The following GRAMD1B variants were observed in gnomAD, a reference collection of about 807,000 sequenced individuals.
GRAMD1B encodes GRAM domain containing 1B, also known as protein Aster-B.
A neutral mutation model predicts 99.7 loss-of-function variants in GRAMD1B; 37 were observed. That is an observed-to-expected ratio of 0.37 (90% CI 0.29 to 0.49). The LOEUF (loss-of-function observed/expected upper bound fraction) is 0.49. GRAMD1B is among the 20% of genes least tolerant of loss of function. GRAMD1B has a pLI of 0.98. For synonymous variants in GRAMD1B, 427 were observed against 387.6 expected (o/e 1.10, Z -1.19); for missense variants, 888 against 1,009.2 (o/e 0.88, Z 1.63).
chr11:123,360,815 CCTTCCTTCCTT>C (rs1386323484), intron 1 of GRAMD1B, among the ~76,000 whole-genome samples: 1 of 143,264 alleles, frequency 7.0e-6, no homozygotes, highest in African/African-American at 2.7e-5. Context: ...TTCCTTCCTT[CCTTCCTTCCTT>C]CCTTCCTTCC....
At chr11:123,458,259 T>G (rs1372589405) in intron 1 of GRAMD1B, 1 of 152,240 alleles carries the variant, frequency 6.6e-6, no homozygotes, top group Non-Finnish European at 1.5e-5. Context: ...GCTGATGTTG[T>G]AACTCTCGGT....
At chr11:123,419,669 G>A (rs887798592) in intron 1 of GRAMD1B, among the ~76,000 whole-genome samples, 1 of 151,204 alleles carries the variant, frequency 6.6e-6, no homozygotes, top group African/African-American at 2.4e-5. Context: ...ACCAGTGTCT[G>A]GTGCAAGAAG....
chr11:123,575,784 A>G (rs1466800016), intron 2 of GRAMD1B, among the ~76,000 whole-genome samples: 2 of 152,156 alleles, frequency 1.3e-5, no homozygotes, highest in African/African-American at 4.8e-5. Flanking sequence ...AAACGAGTTT[A>G]GAGAGTAAGG....
rs34243520 is a variant in GRAMD1B at position 123,386,435 on chromosome 11, CTTTT to C, written c.-176+27653_-176+27656del. 3.0e-3 allele frequency among the ~76,000 whole-genome samples: 292 copies of C among 96,176 alleles called. 1 individual carries two copies. The highest frequency in any genetic ancestry group is 8.9e-3 in the African/African-American group (250 of 28,034). 63.1% of individuals were successfully genotyped at this position (96,176 alleles called of 152,430 possible). A position where few individuals can be genotyped will look rare whatever the true frequency, so the allele number is the denominator to read the frequency against. On this transcript the variant is annotated intron_variant, in intron 1 of 20. Transcript: ENST00000638157. ...CACTTTGAATGTTACTCACAATATACTTTTTTTTTTTTTTTTTTTTGAGATGGAG... is the reference window on the plus strand; with the variant it reads ...CACTTTGAATGTTACTCACAATATACTTTTTTTTTTTTTTTTGAGATGGAG...
chr11:123,463,849 A>G (rs1317830574), intron 1 of GRAMD1B, among the ~76,000 whole-genome samples: 1 of 152,238 alleles, frequency 6.6e-6, no homozygotes, highest in Non-Finnish European at 1.5e-5. Flanking sequence ...CACGAGCCCC[A>G]GAAAGGAAAA....
intron 1 of GRAMD1B, chr11:123,460,313 T>C (rs1950350143): frequency 6.6e-6 from 1 of 152,126 alleles, no homozygotes; most frequent in Admixed American, 6.6e-5. Context: ...TTATAGTAGA[T>C]GAATATAGTA....
chr11:123,519,392 G>A (rs1236605349), intron 2 of GRAMD1B, among the ~76,000 whole-genome samples: 2 of 152,222 alleles, frequency 1.3e-5, no homozygotes, highest in Non-Finnish European at 2.9e-5. Flanking sequence ...TCTCTATTGA[G>A]TGCAGTTTGG....
chr11:123,504,767 C>T (rs1242189309), intron 2 of GRAMD1B, among the ~76,000 whole-genome samples: 8 of 152,146 alleles, frequency 5.3e-5, no homozygotes, highest in Non-Finnish European at 8.8e-5. Context: ...CTGCAACCTC[C>T]GCCTACCAGG....
rs11219203 is a variant in GRAMD1B, at chr11:123,580,767, C to T, written c.663+3190C>T. Among the ~76,000 whole-genome samples, 752 of 152,324 alleles carry T rather than the reference C, an allele frequency of 4.9e-3. 9 individuals carry two copies. Among genetic ancestry groups the T allele is most frequent in the African/African-American group, 0.018 (732 of 41,570 alleles). On this transcript the variant is annotated intron_variant, in intron 3 of 19. Transcript: ENST00000635736. ...CAGAGGGAGCGAGGGGCCGTTCTGC[C>T]GCTCTCCCACCTGCCCTGAGGGCGC... is the stretch of plus-strand genomic sequence containing the variant.
chr11:123,504,750 C>T (rs890219684), intron 2 of GRAMD1B, among the ~76,000 whole-genome samples: 2 of 152,148 alleles, frequency 1.3e-5, no homozygotes, highest in South Asian at 2.1e-4. Context: ...GGTGCAATCC[C>T]GGCTCACTGC....
chr11:123,521,284 T>A (rs923628287), intron 2 of GRAMD1B, among the ~76,000 whole-genome samples: 1 of 152,226 alleles, frequency 6.6e-6, no homozygotes, highest in African/African-American at 2.4e-5. Flanking sequence ...CAATTTATAT[T>A]TTCCTGAGTA....
At chr11:123,561,301 C>T (rs1301386015) in intron 2 of GRAMD1B, among the ~76,000 whole-genome samples, 1 of 152,164 alleles carries the variant, frequency 6.6e-6, no homozygotes, top group Non-Finnish European at 1.5e-5. Context: ...GGGGTAGGAG[C>T]TGGCCAGAGC....
rs1003695605 is a variant in GRAMD1B at position 123,627,556 on chromosome 11, A to G, written c.*4961A>G. On this transcript the variant is annotated 3_prime_UTR_variant, in exon 20 of 20. Coordinates refer to ENST00000635736, the MANE Select transcript of GRAMD1B (RefSeq NM_001387025.1). ...CCCCAACACCTGCACTGGGCCATCT[A>G]TGGGAAAGAACACGGGTCGAGTGCA... 1.3e-5 allele frequency: 2 copies of G among 152,408 alleles called. No homozygotes were observed. The highest frequency in any genetic ancestry group is 2.9e-5 in the Non-Finnish European group (2 of 68,088). The allele number at this position is 152,408 out of a possible 1,614,324, so 9.4% of individuals were successfully genotyped here.
In GRAMD1B at chr11:123,377,432, A is replaced by G. The variant is rs539718463; in HGVS notation, c.-176+18633A>G. 3.3e-5 allele frequency among the ~76,000 whole-genome samples: 5 copies of G among 152,322 alleles called. No individual in the cohort carries two copies. In the South Asian group the frequency reaches 1.0e-3, roughly 32 times the overall value. Reference sequence around the variant, plus strand: ...GCGTGGTGGGTGCAGGAAAAAGGAAAGTTCCTTAGGAGAAACAGAGTTGAG... The same window carrying G: ...GCGTGGTGGGTGCAGGAAAAAGGAAGGTTCCTTAGGAGAAACAGAGTTGAG... On this transcript the variant is annotated intron_variant, in intron 1 of 20. Transcript: ENST00000638157.
intron 1 of GRAMD1B, among the ~76,000 whole-genome samples, chr11:123,414,426 A>G (rs1301543867): frequency 6.6e-6 from 1 of 152,200 alleles, no homozygotes; most frequent in East Asian, 1.9e-4. Flanking sequence ...GGACAGTGTT[A>G]CGTACTCTGC....
Position 123,614,244 on chromosome 11 carries a change from G to C in GRAMD1B, c.2228-501G>C, listed in dbSNP as rs111601643. On this transcript the variant is annotated intron_variant, in intron 16 of 19. Coordinates refer to ENST00000635736, the MANE Select transcript of GRAMD1B (RefSeq NM_001387025.1). ...GGGAGGCAGAAGAAGAGGGGAGAGT[G>C]GGGGAAGAGTGCCAGCCTTCTGCAT... Among the ~76,000 whole-genome samples, 907 of 152,342 alleles carry C rather than the reference G, an allele frequency of 6.0e-3. 6 individuals carry two copies. The highest frequency in any genetic ancestry group is 0.01 in the Non-Finnish European group (695 of 68,024).
chr11:123,603,387 G>C, intron 8 of GRAMD1B, 39 bp from the exon 9 acceptor site: 1 of 1,288,494 alleles, frequency 7.8e-7, no homozygotes, highest in Non-Finnish European at 1.1e-6. Context: ...CGGGGGACCT[G>C]AGGGAGCAAG....
chr11:123,373,170 A>G (rs751074355), intron 1 of GRAMD1B, among the ~76,000 whole-genome samples: 4 of 152,104 alleles, frequency 2.6e-5, no homozygotes, highest in Non-Finnish European at 4.4e-5. Flanking sequence ...AAATAATGAT[A>G]ATAATAATTG....
At chr11:123,448,696 T>C (rs562529136) in intron 1 of GRAMD1B, among the ~76,000 whole-genome samples, 13 of 152,382 alleles carry the variant, frequency 8.5e-5, no homozygotes, top group East Asian at 3.9e-4. Context: ...CTTTTTGTAA[T>C]TGAACTCATT....
Sources: allele counts gnomAD v4.1 joint callset (sites outside exome capture counted in the v4.1 genomes callset), GRCh38; gene constraint gnomAD v4.1.1; transcripts MANE v1.5; gene names NCBI Gene and HGNC (gene_info 2026-07-23, HGNC 2026-07-21).